The following BIK variants were observed in gnomAD, a reference collection of about 807,000 sequenced individuals.
The protein encoded by BIK is bcl-2-interacting killer.
In BIK, 14 loss-of-function variants were observed where a neutral mutation model predicts 12.1. The ratio of observed to expected loss-of-function variants is 1.16; its 90% CI spans 0.77 to 1.81. BIK has a LOEUF of 1.81. Ranked by LOEUF, BIK falls within the 40% of genes most tolerant of loss-of-function variation. The pLI is 0.00. For missense variants in BIK, 215 were observed against 207.9 expected, an observed-to-expected ratio of 1.03 and a Z score of -0.21; for synonymous variants, 86 against 92.3, an observed-to-expected ratio of 0.93 and a Z score of 0.39.
Position 43,124,065 on chromosome 22 carries a change from A to C in BIK, c.43A>C (p.Thr15Pro), listed in dbSNP as rs1257995900. ...RPLSRDILME[T>P]LLYEQLLEPP... The stretch of plus-strand genomic sequence containing the variant: ...CCTCTCCAGAGACATCTTGATGGAG[A>C]CCCTCCTGTATGAGCAGCTCCTGGA... The change falls in exon 2 of 5, where the codon ACC (threonine) becomes CCC (proline). Residue 15 changes from threonine to proline, a missense_variant. Coordinates refer to ENST00000216115, the MANE Select transcript of BIK (RefSeq NM_001197.5). 1 of 1,613,850 alleles carries C rather than the reference A, an allele frequency of 6.2e-7. No individual in the cohort carries two copies. Among genetic ancestry groups the C allele is most frequent in the Non-Finnish European group, 8.5e-7 (1 of 1,179,962 alleles).
At chr22:43,111,239 T>C (rs1182462382) in intron 1 of BIK, among the ~76,000 whole-genome samples, 1 of 152,162 alleles carries the variant, frequency 6.6e-6, no homozygotes. Flanking sequence ...CCCGGTGCCC[T>C]TAAAAGAGGG....
chr22:43,129,386 TTAAC>T lies in BIK; in HGVS notation c.*83_*86del. The T allele has an allele frequency of 6.7e-7, 1 of 1,498,882 alleles. No homozygotes were observed. Among genetic ancestry groups the T allele is most frequent in the Non-Finnish European group, 8.8e-7 (1 of 1,132,716 alleles). The allele number at this position is 1,498,882 out of a possible 1,614,324, so 92.8% of individuals were successfully genotyped here. A position where few individuals can be genotyped will look rare whatever the true frequency, so the allele number is the denominator to read the frequency against. On this transcript the variant is annotated 3_prime_UTR_variant, in exon 5 of 5. Transcript: ENST00000216115. ...GTGGCGGCCTGCTGCTGTTATCTTT[TTAAC>T]TGTTTTCTCATGATGCCTTTTTATA...
In BIK at chr22:43,128,347, A is replaced by T; in HGVS notation, c.261-149A>T. On this transcript the variant is annotated intron_variant, in intron 3 of 4. Transcript: ENST00000216115. ...CATACCACGCGGCCCCTGCAGGTGGAGGCGCCCACGGAAAGGGCCCCGGGT... is the reference window on the plus strand; with the variant it reads ...CATACCACGCGGCCCCTGCAGGTGGTGGCGCCCACGGAAAGGGCCCCGGGT... 5.3e-6 allele frequency: 5 copies of T among 946,360 alleles called. No individual in the cohort carries two copies. The Admixed American group carries it at 1.1e-4, about 22-fold the overall frequency. 58.6% of individuals were successfully genotyped at this position (946,360 alleles called of 1,614,324 possible). A position where few individuals can be genotyped will look rare whatever the true frequency, so the allele number is the denominator to read the frequency against.
At position 43,129,085 on chromosome 22, in the gene BIK, C is replaced by A. The variant is rs1930382628; in HGVS notation, c.391-128C>A. On this transcript the variant is annotated intron_variant, in intron 4 of 4. Coordinates refer to ENST00000216115, the MANE Select transcript of BIK (RefSeq NM_001197.5). The stretch of plus-strand genomic sequence containing the variant: ...TCCCCCTCTCCTGAACTCCTTCCTT[C>A]TCTGGTCCCCTCGAGCTCCTTCCCA... The A allele has an allele frequency of 2.6e-6, 4 of 1,519,892 alleles. No individual in the cohort carries two copies. The East Asian group carries it at 6.7e-5, about 26-fold the overall frequency. The allele number at this position is 1,519,892 out of a possible 1,614,324, so 94.2% of individuals were successfully genotyped here. A position where few individuals can be genotyped will look rare whatever the true frequency, so the allele number is the denominator to read the frequency against.
intron 1 of BIK, among the ~76,000 whole-genome samples, chr22:43,114,944 G>C (rs1046665914): frequency 2.0e-5 from 3 of 152,200 alleles, no homozygotes; most frequent in African/African-American, 7.2e-5. Context: ...CTCCCAGCCA[G>C]GAACAGCCTG....
intron 1 of BIK, among the ~76,000 whole-genome samples, chr22:43,120,443 C>G (rs886996487): frequency 1.3e-5 from 2 of 152,356 alleles, no homozygotes; most frequent in Admixed American, 1.3e-4. Context: ...CTGCCTCCAC[C>G]TCTCAAAGTG....
At chr22:43,112,228 C>T (rs548647584) in intron 1 of BIK, among the ~76,000 whole-genome samples, 13 of 152,174 alleles carry the variant, frequency 8.5e-5, no homozygotes, top group Admixed American at 3.3e-4. Context: ...AACAGAGCTT[C>T]GCTCTTGTTG....
At chr22:43,111,201 C>G (rs1930003559) in intron 1 of BIK, among the ~76,000 whole-genome samples, 1 of 152,118 alleles carries the variant, frequency 6.6e-6, no homozygotes, top group Admixed American at 6.5e-5. Context: ...AGCGCGGCAA[C>G]GCCAGCCCAC....
At chr22:43,120,560 A>T (rs934311438) in intron 1 of BIK, among the ~76,000 whole-genome samples, 1 of 152,202 alleles carries the variant, frequency 6.6e-6, no homozygotes, top group African/African-American at 2.4e-5. Flanking sequence ...TAGGTTGGAG[A>T]GAGCTCCACT....
intron 1 of BIK, among the ~76,000 whole-genome samples, chr22:43,117,734 G>A (rs1026379568): frequency 6.4e-5 from 9 of 141,350 alleles, no homozygotes; most frequent in Non-Finnish European, 1.2e-4. Context: ...GTAATGGTGT[G>A]ATCTCGGCTC....
chr22:43,111,826 G>A (rs957709018), intron 1 of BIK, among the ~76,000 whole-genome samples: 1 of 152,162 alleles, frequency 6.6e-6, no homozygotes, highest in Non-Finnish European at 1.5e-5. Context: ...CTAGCGCCGG[G>A]AAGTTCTTAA....
Position 43,117,076 on chromosome 22 carries a change from G to A in BIK, c.-8+6273G>A, listed in dbSNP as rs552751550. On this transcript the variant is annotated intron_variant, in intron 1 of 4. Coordinates refer to ENST00000216115, the MANE Select transcript of BIK (RefSeq NM_001197.5). The stretch of plus-strand genomic sequence containing the variant: ...AGCTCTGAAAGCCGCAGGTGGGGGT[G>A]CCGTTTCAGATGCCCCTTTTCCATT... Among the ~76,000 whole-genome samples the A allele has an allele frequency of 1.3e-4, 20 of 152,306 alleles. No individual in the cohort carries two copies. In the South Asian group the frequency reaches 4.1e-3, roughly 32 times the overall value.
At chr22:43,115,620 G>A (rs746568765) in intron 1 of BIK, among the ~76,000 whole-genome samples, 2 of 151,996 alleles carry the variant, frequency 1.3e-5, no homozygotes, top group Admixed American at 6.6e-5. Flanking sequence ...GCGCCACCAC[G>A]CCTGGCTAGT....
intron 1 of BIK, among the ~76,000 whole-genome samples, chr22:43,120,244 A>G (rs4988395): frequency 0.16 from 24,788 of 152,166 alleles, 2,331 homozygotes; most frequent in African/African-American, 0.26. Context: ...TTGGAGTGCA[A>G]TGGCGCGGTC....
At chr22:43,114,321 G>A (rs143199891) in intron 1 of BIK, among the ~76,000 whole-genome samples, 113 of 152,140 alleles carry the variant, frequency 7.4e-4, no homozygotes, top group African/African-American at 2.6e-3. Flanking sequence ...CCCCCTCCCC[G>A]AGATGGAGTC....
chr22:43,124,323 G>T, intron 2 of BIK, 140 bp downstream of exon 2: 2 of 1,054,136 alleles, frequency 1.9e-6, no homozygotes, highest in Non-Finnish European at 2.7e-6. Flanking sequence ...TCCCGGATGT[G>T]GGCATGGAGG....
chr22:43,124,490 G>C lies in BIK; in HGVS notation c.161+307G>C, dbSNP rs542697799. On this transcript the variant is annotated intron_variant, in intron 2 of 4. Coordinates refer to ENST00000216115, the MANE Select transcript of BIK (RefSeq NM_001197.5). Reference sequence around the variant, plus strand: ...GTTTGGGCCTCAGGGAGCTAGACAGGCCCTTAGCGACCTGCTGAGGACATC... The same window carrying C: ...GTTTGGGCCTCAGGGAGCTAGACAGCCCCTTAGCGACCTGCTGAGGACATC... Among the ~76,000 whole-genome samples, 133 of 152,348 alleles carry C rather than the reference G, an allele frequency of 8.7e-4. 1 individual carries two copies. The highest frequency in any genetic ancestry group is 8.7e-3 in the South Asian group (42 of 4,830).
chr22:43,123,519 TG>T (rs1930255991), intron 1 of BIK, among the ~76,000 whole-genome samples: 1 of 152,158 alleles, frequency 6.6e-6, no homozygotes, highest in Admixed American at 6.5e-5. Flanking sequence ...GAGGCCGAGG[TG>T]GGGTGGATCA....
chr22:43,124,405 G>T (rs1377800644), intron 2 of BIK, among the ~76,000 whole-genome samples: 1 of 152,144 alleles, frequency 6.6e-6, no homozygotes, highest in Non-Finnish European at 1.5e-5. Flanking sequence ...CCCCTGGACA[G>T]CCAGCATGTT....
Sources: gnomAD v4.1 joint callset for allele counts (sites outside exome capture counted in the v4.1 genomes callset) on GRCh38, gnomAD v4.1.1 for gene constraint, MANE v1.5 for transcripts, NCBI Gene and HGNC (gene_info 2026-07-23, HGNC 2026-07-21) for gene names.